The following GANC variants were observed in gnomAD, a reference collection of about 807,000 sequenced individuals.
GANC encodes the protein glucosidase alpha, neutral C.
GANC carries 117 observed loss-of-function variants against 124.2 expected under a neutral mutation model. The ratio of observed to expected loss-of-function variants is 0.94; its 90% CI spans 0.81 to 1.10. The LOEUF (loss-of-function observed/expected upper bound fraction) is 1.10, where lower values mean the gene tolerates loss of function less well. GANC is among the 50% of genes least tolerant of loss of function. The pLI, the probability that GANC is intolerant of heterozygous loss-of-function variation, is 0.00. For synonymous variants in GANC, 377 were observed against 376.8 expected, an observed-to-expected ratio of 1.00 and a Z score of -0.01; for missense variants, 1,140 against 1,095.0, an observed-to-expected ratio of 1.04 and a Z score of -0.58.
At chr15:42,290,234 G>C (rs2141025022) in intron 4 of GANC, among the ~76,000 whole-genome samples, 1 of 152,312 alleles carries the variant, frequency 6.6e-6, no homozygotes, top group African/African-American at 2.4e-5. Context: ...ACTGCATTCT[G>C]ATTATCATGC....
rs747035891 is a variant in GANC, at chr15:42,345,829, C to T, written c.2301C>T (p.Asp767=). The stretch of plus-strand genomic sequence containing the variant: ...CTGTAAAGATCCCAGTAGCCTTGGA[C>T]ACTGTAAGTTATTTTCAGACTACTA... ...GCTVKIPVAL[D]TIPVFQRGGS... Residue 767 remains aspartate, a synonymous_variant, in exon 20 of 24, where the codon GAC becomes GAT. Transcript: ENST00000318010. 2.5e-6 allele frequency: 4 copies of T among 1,602,454 alleles called. No individual in the cohort carries two copies. In the East Asian group the frequency reaches 8.9e-5, roughly 36 times the overall value.
chr15:42,347,810 A>G (rs1226595345), intron 20 of GANC, among the ~76,000 whole-genome samples: 1 of 152,224 alleles, frequency 6.6e-6, no homozygotes, highest in Non-Finnish European at 1.5e-5. Flanking sequence ...GGATGGGCAG[A>G]AAGGAATTCA....
chr15:42,287,440 A>G (rs1318004768), intron 3 of GANC, among the ~76,000 whole-genome samples: 1 of 152,194 alleles, frequency 6.6e-6, no homozygotes, highest in East Asian at 1.9e-4. Context: ...TTCACTCTGA[A>G]GATCCTGGTT....
intron 10 of GANC, among the ~76,000 whole-genome samples, chr15:42,319,884 A>G (rs1051329419): frequency 2.6e-5 from 4 of 152,170 alleles, no homozygotes; most frequent in Non-Finnish European, 4.4e-5. Context: ...TTGGTGTTCA[A>G]AAAGTTTCAG....
chr15:42,327,265 C>A, intron 12 of GANC, 98 bp from the exon 13 acceptor site: 1 of 837,260 alleles, frequency 1.2e-6, no homozygotes, highest in Non-Finnish European at 1.9e-6. Context: ...ATGTAAGGTG[C>A]CCATTTCCCA....
intron 7 of GANC, 115 bp downstream of exon 7, chr15:42,306,727 C>A: frequency 1.6e-6 from 1 of 626,956 alleles, no homozygotes; most frequent in Non-Finnish European, 2.8e-6. Flanking sequence ...AACAGAAGAA[C>A]AGAAATCCCA....
At chr15:42,296,168 A>G (rs1388289829) in intron 5 of GANC, among the ~76,000 whole-genome samples, 1 of 150,076 alleles carries the variant, frequency 6.7e-6, no homozygotes, top group Non-Finnish European at 1.5e-5. Context: ...AAAGATTGTT[A>G]TGTCTGCTTA....
At chr15:42,316,095 C>A (rs1485616118) in intron 10 of GANC, among the ~76,000 whole-genome samples, 2 of 152,088 alleles carry the variant, frequency 1.3e-5, no homozygotes, top group Non-Finnish European at 2.9e-5. Context: ...ATACACCCAG[C>A]AATTCTACTC....
chr15:42,307,376 C>G (rs1446487329), intron 7 of GANC, among the ~76,000 whole-genome samples: 1 of 150,972 alleles, frequency 6.6e-6, no homozygotes, highest in East Asian at 1.9e-4. Flanking sequence ...CTCTGTCACC[C>G]AGGCTGGAGT....
chr15:42,326,709 G>A (rs971558019), intron 12 of GANC, among the ~76,000 whole-genome samples: 3 of 152,044 alleles, frequency 2.0e-5, no homozygotes, highest in South Asian at 2.1e-4. Flanking sequence ...ATAAAAAGTC[G>A]GGGAATAAGA....
intron 18 of GANC, among the ~76,000 whole-genome samples, chr15:42,342,802 G>A (rs1054979970): frequency 6.6e-6 from 1 of 152,264 alleles, no homozygotes; most frequent in Non-Finnish European, 1.5e-5. Flanking sequence ...AAATGAGACC[G>A]ATGGACTGTG....
At position 42,345,814 on chromosome 15, in the gene GANC, C is replaced by A. The variant is rs138942404; in HGVS notation, c.2286C>A (p.Ile762=). ...AHWEGGCTVK[I]PVALDTIPVF... Reference sequence around the variant, plus strand: ...GGGAAGGAGGGTGTACTGTAAAGATCCCAGTAGCCTTGGACACTGTAAGTT... The same window carrying A: ...GGGAAGGAGGGTGTACTGTAAAGATACCAGTAGCCTTGGACACTGTAAGTT... The change falls in exon 20 of 24, where the codon ATC becomes ATA. Residue 762 remains isoleucine (I), a synonymous_variant. Coordinates refer to ENST00000318010, the MANE Select transcript of GANC (RefSeq NM_198141.3). 278 of 1,610,120 alleles carry A rather than the reference C, an allele frequency of 1.7e-4. 2 individuals carry two copies. In the African/African-American group the frequency reaches 3.4e-3, roughly 20 times the overall value.
At chr15:42,348,055 ATTT>A in intron 20 of GANC, 45 bp from the exon 21 acceptor site, 1 of 1,050,152 alleles carries the variant, frequency 9.5e-7, no homozygotes. Flanking sequence ...CTACCTTGAA[ATTT>A]TCTTATATGA....
chr15:42,349,407 C>G lies in GANC; in HGVS notation c.2443C>G (p.Leu815Val). 1 of 1,612,496 alleles carries G rather than the reference C, an allele frequency of 6.2e-7. No homozygotes were observed. The change falls in exon 22 of 24, where the codon CTT becomes GTT. Residue 815 changes from leucine (L) to valine (V), a missense_variant. Coordinates refer to ENST00000318010, the MANE Select transcript of GANC (RefSeq NM_198141.3). The stretch of plus-strand genomic sequence containing the variant: ...GGGTTCTTCAGTGGGTGAGTTATAT[C>G]TTGATGATGGCCATTCATTCCAATA... ...TKGSSVGELY[L>V]DDGHSFQYLH...
intron 18 of GANC, among the ~76,000 whole-genome samples, chr15:42,341,562 G>T (rs1306453604): frequency 6.7e-6 from 1 of 149,104 alleles, no homozygotes; most frequent in Non-Finnish European, 1.5e-5. Context: ...TCATTTCTGA[G>T]TTCTATTTTT....
intron 15 of GANC, among the ~76,000 whole-genome samples, chr15:42,336,190 A>G (rs188258663): frequency 8.5e-5 from 13 of 152,262 alleles, no homozygotes; most frequent in Non-Finnish European, 1.2e-4. Flanking sequence ...AGTCCTAAGC[A>G]AAAAGAACAA....
intron 18 of GANC, among the ~76,000 whole-genome samples, chr15:42,342,871 C>G (rs984508555): frequency 6.6e-6 from 1 of 152,034 alleles, no homozygotes; most frequent in African/African-American, 2.4e-5. Context: ...AGGCGATGAC[C>G]TTTTTGAGCT....
At chr15:42,276,878 T>C (rs2051676832) in intron 2 of GANC, among the ~76,000 whole-genome samples, 1 of 152,170 alleles carries the variant, frequency 6.6e-6, no homozygotes, top group South Asian at 2.1e-4. Context: ...TTATACCAAA[T>C]AGGTTTTTTT....
chr15:42,338,760 G>A (rs576434886), intron 16 of GANC, among the ~76,000 whole-genome samples: 3 of 152,120 alleles, frequency 2.0e-5, no homozygotes, highest in Admixed American at 6.6e-5. Flanking sequence ...CTTCCTAGAC[G>A]CTCTTGATAA....
Sources: gnomAD v4.1 joint callset for allele counts (sites outside exome capture counted in the v4.1 genomes callset) on GRCh38, gnomAD v4.1.1 for gene constraint, MANE v1.5 for transcripts, NCBI Gene and HGNC (gene_info 2026-07-23, HGNC 2026-07-21) for gene names.